The following ACTR3C variants were observed in gnomAD, a reference collection of about 807,000 sequenced individuals.
ACTR3C encodes actin-related protein 3C.
ACTR3C carries 18 observed loss-of-function variants against 26.3 expected under a neutral mutation model. That is an observed-to-expected ratio of 0.68 (90% CI 0.47 to 1.01). The LOEUF is 1.01. ACTR3C is among the 50% of genes least tolerant of loss of function. ACTR3C has a pLI of 0.00. For synonymous variants in ACTR3C, 55 were observed against 94.5 expected, an observed-to-expected ratio of 0.58 and a Z score of 2.42; for missense variants, 184 against 250.7, an observed-to-expected ratio of 0.73 and a Z score of 1.80.
At chr7:150,012,081 A>T in the ACTR3C span, among the ~76,000 whole-genome samples, 1 of 152,140 alleles carries the variant, frequency 6.6e-6, no homozygotes, top group African/African-American at 2.4e-5. Context: ...AGAAGTTGAG[A>T]ATTGGATAAA....
the ACTR3C span, among the ~76,000 whole-genome samples, chr7:150,041,085 T>C: frequency 1.3e-5 from 2 of 150,396 alleles, no homozygotes; most frequent in African/African-American, 2.5e-5. Flanking sequence ...CTCTGACGCA[T>C]ACAATGGAAA....
chr7:149,934,107 C>G, the ACTR3C span, among the ~76,000 whole-genome samples: 1 of 149,994 alleles, frequency 6.7e-6, no homozygotes, highest in Non-Finnish European at 1.5e-5. Flanking sequence ...GCAAGTTCCA[C>G]TCAATGCTAG....
chr7:150,116,980 G>A, the ACTR3C span, among the ~76,000 whole-genome samples: 1 of 152,046 alleles, frequency 6.6e-6, no homozygotes, highest in East Asian at 1.9e-4. Flanking sequence ...AGCACAAGGG[G>A]TCACGGAACT....
chr7:150,032,843 C>A, the ACTR3C span, among the ~76,000 whole-genome samples: 3 of 152,022 alleles, frequency 2.0e-5, no homozygotes, highest in African/African-American at 7.2e-5. Context: ...TCACTGAGAG[C>A]TGAAAGAAAA....
the ACTR3C span, chr7:150,040,525 A>G: frequency 6.7e-6 from 1 of 148,676 alleles, no homozygotes; most frequent in Non-Finnish European, 1.5e-5. Context: ...CAGTCTACGA[A>G]ACCCCACAGC....
chr7:150,060,201 C>T, the ACTR3C span, among the ~76,000 whole-genome samples: 9 of 152,108 alleles, frequency 5.9e-5, no homozygotes, highest in Non-Finnish European at 1.0e-4. Flanking sequence ...ACAGATTCTA[C>T]ATGCAGAGTC....
the ACTR3C span, among the ~76,000 whole-genome samples, chr7:150,000,062 T>A: frequency 6.7e-6 from 1 of 149,644 alleles, no homozygotes; most frequent in East Asian, 1.9e-4. Context: ...CTATTTTTAC[T>A]AGTATTTTTA....
chr7:150,019,142 T>C, the ACTR3C span, among the ~76,000 whole-genome samples: 1 of 150,142 alleles, frequency 6.7e-6, no homozygotes, highest in Non-Finnish European at 1.5e-5. Context: ...ATGAAAGAGA[T>C]GATATATAAA....
chr7:150,129,213 C>T, the ACTR3C span, among the ~76,000 whole-genome samples: 2 of 152,014 alleles, frequency 1.3e-5, no homozygotes, highest in African/African-American at 4.8e-5. Context: ...TTTTCCATAA[C>T]CCAGGAACTC....
chr7:150,308,210 C>G (rs1313051447), intron 1 of ACTR3C, among the ~76,000 whole-genome samples: 2 of 152,176 alleles, frequency 1.3e-5, no homozygotes, highest in African/African-American at 4.8e-5. Context: ...TCTACCCCCT[C>G]TTTTCTTGGA....
At chr7:149,905,135 G>T in the ACTR3C span, among the ~76,000 whole-genome samples, 1 of 151,370 alleles carries the variant, frequency 6.6e-6, no homozygotes, top group Admixed American at 6.6e-5. Flanking sequence ...AAGAGCCAAA[G>T]CTATTCTGAG....
intron 1 of ACTR3C, among the ~76,000 whole-genome samples, chr7:150,303,852 T>C (rs1477842872): frequency 6.6e-6 from 1 of 152,236 alleles, no homozygotes; most frequent in African/African-American, 2.4e-5. Context: ...TTTTTAAATA[T>C]AGAAGCATAT....
At chr7:150,238,971 A>C (rs1832026116), downstream of ACTR3C, among the ~76,000 whole-genome samples, 1 of 151,452 alleles carries the variant, frequency 6.6e-6, no homozygotes, top group East Asian at 1.9e-4. Flanking sequence ...GTCTTACTAT[A>C]TTAATTAAAT....
chr7:149,904,441 G>T, the ACTR3C span, among the ~76,000 whole-genome samples: 1 of 151,138 alleles, frequency 6.6e-6, no homozygotes, highest in Non-Finnish European at 1.5e-5. Flanking sequence ...GAGGGCAGGA[G>T]AATCGCTTGA....
the ACTR3C span, among the ~76,000 whole-genome samples, chr7:150,123,610 CACAA>C: frequency 0.042 from 5,877 of 139,762 alleles, 274 homozygotes; most frequent in African/African-American, 0.12. Flanking sequence ...CACACACACA[CACAA>C]ACACACACCC....
At chr7:150,272,041 G>C (rs1444711746) in intron 6 of ACTR3C, among the ~76,000 whole-genome samples, 2 of 144,892 alleles carry the variant, frequency 1.4e-5, no homozygotes, top group Non-Finnish European at 3.0e-5. Flanking sequence ...TCCCTTTCCT[G>C]GTGCTTGAAA....
the ACTR3C span, among the ~76,000 whole-genome samples, chr7:150,160,066 G>C: frequency 6.6e-6 from 1 of 152,002 alleles, no homozygotes; most frequent in Non-Finnish European, 1.5e-5. Context: ...AAGTGCTGGG[G>C]TTACAGGTGT....
chr7:150,264,944 G>A (rs1460899014), intron 6 of ACTR3C: 2 of 866,456 alleles, frequency 2.3e-6, no homozygotes, highest in African/African-American at 1.9e-5. Context: ...TTAAATCCTT[G>A]GAGTGATACC....
rs1016318250 is a variant in ACTR3C, at chr7:150,286,613, G to T, written c.298-73C>A. The T allele has an allele frequency of 2.5e-6, 4 of 1,577,432 alleles. No homozygotes were observed. In the African/African-American group the frequency reaches 4.1e-5, roughly 16 times the overall value. On this transcript the variant is annotated intron_variant, in intron 4 of 7. Coordinates refer to ENST00000683684, the MANE Select transcript of ACTR3C (RefSeq NM_001164458.2). ...GTCTCTGCCCTCAGACAAATAACCA[G>T]GAAGCCCATGCAGTAAACACACCCT...
Sources: allele counts gnomAD v4.1 joint callset (sites outside exome capture counted in the v4.1 genomes callset), GRCh38; gene constraint gnomAD v4.1.1; transcripts MANE v1.5; gene names NCBI Gene and HGNC (gene_info 2026-07-23, HGNC 2026-07-21).